DLG2: variants seen among roughly 807,000 people sequenced by gnomAD.
DLG2 encodes the protein discs large MAGUK scaffold protein 2.
Under a neutral mutation model 132.5 loss-of-function variants are expected in DLG2, and 45 were observed. That is an observed-to-expected ratio of 0.34 (90% CI 0.27 to 0.44). DLG2 has a LOEUF of 0.44. Ranked by LOEUF, DLG2 falls within the 20% of genes least tolerant of loss-of-function variation. DLG2 has a pLI of 1.00. For synonymous variants in DLG2, 424 were observed against 419.6 expected, an observed-to-expected ratio of 1.01 and a Z score of -0.13; for missense variants, 1,045 against 1,196.9, an observed-to-expected ratio of 0.87 and a Z score of 1.87.
chr11:84,428,187 C>T (rs2098973123), intron 7 of DLG2, among the ~76,000 whole-genome samples: 1 of 152,102 alleles, frequency 6.6e-6, no homozygotes, highest in Non-Finnish European at 1.5e-5. Context: ...AATATATTAC[C>T]ATTTTAAATA....
intron 6 of DLG2, among the ~76,000 whole-genome samples, chr11:85,077,593 T>C (rs988911746): frequency 6.6e-6 from 1 of 151,990 alleles, no homozygotes; most frequent in African/African-American, 2.4e-5. Flanking sequence ...TCAATATTAA[T>C]GCAAATCTAT....
chr11:84,508,086 G>GT (rs745670619), intron 7 of DLG2, among the ~76,000 whole-genome samples: 11 of 152,104 alleles, frequency 7.2e-5, no homozygotes, highest in Non-Finnish European at 1.6e-4. Context: ...CCTGATCAAA[G>GT]TTTTCCACTG....
intron 11 of DLG2, among the ~76,000 whole-genome samples, chr11:84,005,384 T>C (rs1421492174): frequency 6.6e-6 from 1 of 151,802 alleles, no homozygotes; most frequent in Non-Finnish European, 1.5e-5. Flanking sequence ...AGGCCTGAAA[T>C]TATAAAACTC....
chr11:83,564,678 ATTG>A (rs1279612231), intron 19 of DLG2, among the ~76,000 whole-genome samples: 3 of 152,168 alleles, frequency 2.0e-5, no homozygotes, highest in Non-Finnish European at 4.4e-5. Flanking sequence ...TGCATTTATT[ATTG>A]GTGGGTTATC....
chr11:84,818,389 G>A (rs1022902482), intron 6 of DLG2, among the ~76,000 whole-genome samples: 1 of 151,868 alleles, frequency 6.6e-6, no homozygotes, highest in Non-Finnish European at 1.5e-5. Context: ...ACCCTCAATA[G>A]AGTTCTTTCT....
At chr11:84,963,223 T>C (rs2052839469) in intron 6 of DLG2, among the ~76,000 whole-genome samples, 1 of 152,234 alleles carries the variant, frequency 6.6e-6, no homozygotes, top group African/African-American at 2.4e-5. Context: ...TTAAAGGATG[T>C]GTCTATGGTA....
At chr11:85,557,903 G>A (rs1020689579) in intron 3 of DLG2, among the ~76,000 whole-genome samples, 1 of 151,836 alleles carries the variant, frequency 6.6e-6, no homozygotes, top group Non-Finnish European at 1.5e-5. Context: ...CCTTGGGTAA[G>A]AATTTATGAC....
At chr11:85,456,934 G>T (rs1221051294) in intron 3 of DLG2, among the ~76,000 whole-genome samples, 1 of 151,994 alleles carries the variant, frequency 6.6e-6, no homozygotes, top group Non-Finnish European at 1.5e-5. Flanking sequence ...AGTACTGCAG[G>T]GTTTTATTAG....
At chr11:85,485,110 C>A (rs1219007728) in intron 3 of DLG2, among the ~76,000 whole-genome samples, 3 of 151,698 alleles carry the variant, frequency 2.0e-5, no homozygotes, top group Non-Finnish European at 2.9e-5. Flanking sequence ...GGACAAAAAA[C>A]CAAACACTGC....
intron 3 of DLG2, among the ~76,000 whole-genome samples, chr11:85,352,467 C>A (rs1276475705): frequency 6.6e-6 from 1 of 152,064 alleles, no homozygotes; most frequent in Non-Finnish European, 1.5e-5. Flanking sequence ...AATGTGTTTG[C>A]TCTTGCTTCT....
At chr11:84,074,615 G>A (rs1213346917) in intron 10 of DLG2, among the ~76,000 whole-genome samples, 1 of 147,650 alleles carries the variant, frequency 6.8e-6, no homozygotes, top group African/African-American at 2.6e-5. Context: ...TGCAACCTCC[G>A]CCTCCCGGGT....
intron 4 of DLG2, among the ~76,000 whole-genome samples, chr11:85,244,581 A>G (rs2076046864): frequency 6.6e-6 from 1 of 152,006 alleles, no homozygotes; most frequent in Non-Finnish European, 1.5e-5. Context: ...TGATCATCTT[A>G]ATCAGATTGC....
intron 15 of DLG2, among the ~76,000 whole-genome samples, chr11:83,885,486 A>C (rs1018409501): frequency 6.6e-6 from 1 of 152,252 alleles, no homozygotes; most frequent in African/African-American, 2.4e-5. Flanking sequence ...TGTACCTGAA[A>C]GTGACGAGGA....
intron 15 of DLG2, among the ~76,000 whole-genome samples, chr11:83,909,009 G>A (rs2075567915): frequency 6.6e-6 from 1 of 152,140 alleles, no homozygotes; most frequent in South Asian, 2.1e-4. Context: ...TGGGATCACA[G>A]GCATGAGCTA....
intron 6 of DLG2, among the ~76,000 whole-genome samples, chr11:85,007,478 G>T (rs886117866): frequency 2.6e-5 from 4 of 151,498 alleles, no homozygotes; most frequent in African/African-American, 9.7e-5. Flanking sequence ...GGCTAACACG[G>T]TGAAACCCCA....
intron 6 of DLG2, among the ~76,000 whole-genome samples, chr11:84,788,111 A>AAAAAAAAAAAAAAAG: frequency 6.7e-6 from 1 of 149,828 alleles, no homozygotes; most frequent in Non-Finnish European, 1.5e-5. Context: ...AAAAAAAAAA[A>AAAAAAAAAAAAAAAG]AAAAAAAAAA....
chr11:83,783,036 T>C (rs937556448), intron 18 of DLG2, among the ~76,000 whole-genome samples: 50 of 152,340 alleles, frequency 3.3e-4, no homozygotes, highest in South Asian at 6.2e-4. Context: ...GTAATCCTCT[T>C]GAAAGAAAGA....
chr11:84,536,852 C>A (rs2099356683), intron 6 of DLG2, among the ~76,000 whole-genome samples: 1 of 152,180 alleles, frequency 6.6e-6, no homozygotes, highest in African/African-American at 2.4e-5. Flanking sequence ...CCCCCACCAA[C>A]ACTGTCCATG....
At chr11:84,357,229 A>G (rs2098620370) in intron 7 of DLG2, among the ~76,000 whole-genome samples, 1 of 152,034 alleles carries the variant, frequency 6.6e-6, no homozygotes, top group Non-Finnish European at 1.5e-5. Context: ...AAGACATAGG[A>G]GGCAATTCCT....
Sources: allele counts gnomAD v4.1 joint callset (sites outside exome capture counted in the v4.1 genomes callset), GRCh38; gene constraint gnomAD v4.1.1; transcripts MANE v1.5; gene names NCBI Gene and HGNC (gene_info 2026-07-23, HGNC 2026-07-21).